Variants in PCDHGA12 observed in about 807,000 individuals in gnomAD.
PCDHGA12 encodes the protein protocadherin gamma subfamily A, 12.
In PCDHGA12, 43 loss-of-function variants were observed where a neutral mutation model predicts 61.1. The observed-to-expected ratio is 0.70, with a 90% confidence interval of 0.55 to 0.91. The LOEUF (loss-of-function observed/expected upper bound fraction) is 0.91, where lower values mean the gene tolerates loss of function less well. Ranked by LOEUF, PCDHGA12 falls within the 40% of genes least tolerant of loss-of-function variation. The probability of loss-of-function intolerance (pLI) is 0.00; values close to 1 mark genes in which losing one functional copy is unlikely to be tolerated. For synonymous variants in PCDHGA12, 520 were observed against 542.9 expected (o/e 0.96, Z 0.59); for missense variants, 1,236 against 1,227.7 (o/e 1.01, Z -0.10).
In PCDHGA12 at chr5:141,432,645, C is replaced by T. The variant is rs758701539; in HGVS notation, c.1886C>T (p.Ala629Val). The change falls in exon 1 of 4, where the codon GCG becomes GTG. Residue 629 changes from alanine (A) to valine (V), a missense_variant. Physicochemically the swap from Ala to Val is moderately conservative, Grantham distance 64. Coordinates refer to ENST00000252085, the MANE Select transcript of PCDHGA12 (RefSeq NM_003735.3). The surrounding 1 kb of genome is among the most constrained non-coding windows in gnomAD (Gnocchi z 6.0). ...VGLHTGEVRT[A>V]RALLDRDALK... is the part of the protein sequence containing the mutation. Reference sequence around the variant, plus strand: ...CTGCACACGGGCGAGGTGCGCACGGCGCGAGCCCTGCTGGACAGAGACGCG... The same window carrying T: ...CTGCACACGGGCGAGGTGCGCACGGTGCGAGCCCTGCTGGACAGAGACGCG... 1 of 1,613,746 alleles carries T rather than the reference C, an allele frequency of 6.2e-7. No homozygotes were observed. Among genetic ancestry groups the T allele is most frequent in the Admixed American group, 1.7e-5 (1 of 60,006 alleles).
At chr5:141,510,795 G>A in intron 3 of PCDHGA12, 152 bp from the exon 4 acceptor site, 6 of 1,465,214 alleles carry the variant, frequency 4.1e-6, no homozygotes, top group Non-Finnish European at 5.5e-6. Context: ...CTTGTGAAGA[G>A]AGACTACCTT....
chr5:141,433,142 G>A lies in PCDHGA12; in HGVS notation c.2383G>A (p.Gly795Ser). The A allele has an allele frequency of 1.2e-6, 2 of 1,614,108 alleles. No individual in the cohort carries two copies. The highest frequency in any genetic ancestry group is 1.3e-5 in the African/African-American group (1 of 75,036). The change falls in exon 1 of 4, where the codon GGT (glycine) becomes AGT (serine). Residue 795 changes from glycine to serine, a missense_variant. By Grantham distance (56) the Gly-to-Ser change is moderately conservative. Transcript: ENST00000252085. The part of the protein sequence containing the change: ...FEKSEPLLLS[G>S]DSVFSKDSHG... ...AAAAAGCGAGCCCCTTTTGCTGTCA[G>A]GTGATTCGGTATTTTCTAAAGACAG... is the stretch of plus-strand genomic sequence containing the variant.
Position 141,431,732 on chromosome 5 carries a change from G to C in PCDHGA12, c.973G>C (p.Ala325Pro). 1 of 1,614,238 alleles carries C rather than the reference G, an allele frequency of 6.2e-7. No individual in the cohort carries two copies. Among genetic ancestry groups the C allele is most frequent in the Non-Finnish European group, 8.5e-7 (1 of 1,180,046 alleles). Residue 325 changes from alanine (A) to proline (P), a missense_variant, in exon 1 of 4, where the codon GCA becomes CCA. Coordinates refer to ENST00000252085, the MANE Select transcript of PCDHGA12 (RefSeq NM_003735.3). The surrounding 1 kb of genome is among the most constrained non-coding windows in gnomAD (Gnocchi z 4.8). ...GATGGAAGTGCAAGCAATGGATAAT[G>C]CAGGATATTCTGCGCGAGCCAAAGT... ...YQMEVQAMDN[A>P]GYSARAKVLI...
Position 141,432,394 on chromosome 5 carries a change from C to T in PCDHGA12, c.1635C>T (p.Asn545=), listed in dbSNP as rs149830124. The T allele has an allele frequency of 1.7e-5, 27 of 1,614,260 alleles. No individual in the cohort carries two copies. The African/African-American group carries it at 2.7e-4, about 16-fold the overall frequency. The change falls in exon 1 of 4, where the codon AAC becomes AAT. Residue 545 remains asparagine (N), a synonymous_variant. Transcript: ENST00000252085. The surrounding 1 kb of genome is among the most constrained non-coding windows in gnomAD (Gnocchi z 6.0). ...RDNGHPPLSS[N]VSLSLFVLDQ... ...ACGGGCACCCGCCCCTCAGCAGCAA[C>T]GTGTCGTTGAGCCTGTTCGTGCTGG...
chr5:141,464,896 G>C (rs1166142533), intron 1 of PCDHGA12, among the ~76,000 whole-genome samples: 2 of 151,554 alleles, frequency 1.3e-5, no homozygotes, highest in African/African-American at 4.8e-5. Context: ...ATGCCACCAT[G>C]TCCAGCTAAT....
intron 1 of PCDHGA12, among the ~76,000 whole-genome samples, chr5:141,461,804 C>A (rs559757409): frequency 1.4e-3 from 212 of 152,036 alleles, no homozygotes; most frequent in African/African-American, 5.0e-3. Context: ...CAGGTGCCCA[C>A]CACCACACCC....
chr5:141,483,716 G>C (rs772661472), intron 1 of PCDHGA12, among the ~76,000 whole-genome samples: 1 of 151,974 alleles, frequency 6.6e-6, no homozygotes, highest in Non-Finnish European at 1.5e-5. Context: ...CCAGAATATT[G>C]GTTCCCACCA....
chr5:141,475,167 G>A (rs529813171), intron 1 of PCDHGA12, among the ~76,000 whole-genome samples: 4 of 152,042 alleles, frequency 2.6e-5, no homozygotes, highest in Admixed American at 6.6e-5. Flanking sequence ...CATTAGCAGT[G>A]CAACTTCTTG....
chr5:141,431,424 G>T lies in PCDHGA12; in HGVS notation c.665G>T (p.Arg222Leu), dbSNP rs747132868. 6.8e-6 allele frequency: 11 copies of T among 1,613,676 alleles called. No homozygotes were observed. The highest frequency in any genetic ancestry group is 5.9e-6 in the Non-Finnish European group (7 of 1,180,028). The change falls in exon 1 of 4, where the codon CGC (arginine) becomes CTC (leucine). Residue 222 changes from arginine (R) to leucine (L), a missense_variant. Coordinates refer to ENST00000252085, the MANE Select transcript of PCDHGA12 (RefSeq NM_003735.3). The surrounding 1 kb of genome is among the most constrained non-coding windows in gnomAD (Gnocchi z 4.8). ...LTASDGGDPV[R>L]TGTARIRVMV... ...GCCTCCGACGGGGGCGACCCGGTGC[G>T]CACAGGCACCGCGCGCATCCGCGTG...
chr5:141,478,246 C>T (rs1305046488), intron 1 of PCDHGA12: 1 of 1,614,100 alleles, frequency 6.2e-7, no homozygotes, highest in Admixed American at 1.7e-5. Context: ...TCACAGTGTT[C>T]GGAGTAATCA....
intron 2 of PCDHGA12, among the ~76,000 whole-genome samples, chr5:141,504,960 T>C (rs9324851): frequency 0.59 from 89,328 of 151,916 alleles, 27,885 homozygotes; most frequent in African/African-American, 0.8. Context: ...TTCAATGCAT[T>C]GGACCAGCCT....
chr5:141,468,847 C>T (rs2099182933), intron 1 of PCDHGA12, among the ~76,000 whole-genome samples: 1 of 151,986 alleles, frequency 6.6e-6, no homozygotes, highest in African/African-American at 2.4e-5. Flanking sequence ...GCCTGGGCAA[C>T]AGAGCGAGAC....
intron 1 of PCDHGA12, among the ~76,000 whole-genome samples, chr5:141,469,852 C>T (rs529924249): frequency 1.3e-4 from 20 of 152,054 alleles, no homozygotes; most frequent in African/African-American, 4.8e-4. Flanking sequence ...AGATTCAGAC[C>T]GGGTGCAATG....
intron 1 of PCDHGA12, among the ~76,000 whole-genome samples, chr5:141,473,195 C>G (rs1053769499): frequency 6.6e-6 from 1 of 152,104 alleles, no homozygotes; most frequent in Non-Finnish European, 1.5e-5. Flanking sequence ...GTAAATGTAT[C>G]TTCTAAAAAA....
intron 1 of PCDHGA12, among the ~76,000 whole-genome samples, chr5:141,463,762 T>C (rs113547206): frequency 2.0e-5 from 3 of 152,214 alleles, no homozygotes; most frequent in African/African-American, 4.8e-5. Flanking sequence ...TCTTCTCTTA[T>C]GGGTTAGAAT....
intron 1 of PCDHGA12, among the ~76,000 whole-genome samples, chr5:141,437,491 T>C (rs1428543921): frequency 6.6e-6 from 1 of 152,184 alleles, no homozygotes; most frequent in Non-Finnish European, 1.5e-5. Flanking sequence ...ATCTCGTAGA[T>C]CACTTTTCAA....
chr5:141,491,361 C>T lies in PCDHGA12; in HGVS notation c.2425-3446C>T. 1 of 1,614,132 alleles carries T rather than the reference C, an allele frequency of 6.2e-7. No homozygotes were observed. The highest frequency in any genetic ancestry group is 8.5e-7 in the Non-Finnish European group (1 of 1,179,982). ...CGACCGTCAGTCTCTTATCCCTAGT[C>T]ACCTTCACCTTTCTGTCAGCGAAGT... On this transcript the variant is annotated intron_variant, in intron 1 of 3. Transcript: ENST00000252085. The surrounding 1 kb of genome is among the most constrained non-coding windows in gnomAD (Gnocchi z 6.9).
intron 3 of PCDHGA12, among the ~76,000 whole-genome samples, chr5:141,508,506 C>G (rs2099869342): frequency 6.6e-6 from 1 of 152,180 alleles, no homozygotes; most frequent in Admixed American, 6.5e-5. Context: ...TCTCTCCCTC[C>G]TGGTCCAGCC....
At chr5:141,444,752 T>C (rs1376810825) in intron 1 of PCDHGA12, among the ~76,000 whole-genome samples, 2 of 152,228 alleles carry the variant, frequency 1.3e-5, no homozygotes, top group Non-Finnish European at 2.9e-5. Context: ...CTGATATATG[T>C]AGTTCTATTT....
Sources: gnomAD v4.1 joint callset for allele counts (sites outside exome capture counted in the v4.1 genomes callset) on GRCh38, gnomAD v4.1.1 for gene constraint, Gnocchi (gnomAD v3.1) non-coding constraint, MANE v1.5 for transcripts, NCBI Gene and HGNC (gene_info 2026-07-23, HGNC 2026-07-21) for gene names.